The following CPAMD8 variants were observed in gnomAD, a reference collection of about 807,000 sequenced individuals.
CPAMD8 encodes C3 and PZP like alpha-2-macroglobulin domain containing 8.
Under a neutral mutation model 224.7 loss-of-function variants are expected in CPAMD8, and 146 were observed. That is an observed-to-expected ratio of 0.65 (90% CI 0.57 to 0.75). The LOEUF (loss-of-function observed/expected upper bound fraction) is 0.75, where lower values mean the gene tolerates loss of function less well. Ranked by LOEUF, CPAMD8 falls within the 30% of genes least tolerant of loss-of-function variation. CPAMD8 has a pLI of 0.00. For missense variants in CPAMD8, 2,301 were observed against 2,537.5 expected, an observed-to-expected ratio of 0.91 and a Z score of 2.00; for synonymous variants, 966 against 1,044.6, an observed-to-expected ratio of 0.92 and a Z score of 1.45.
At chr19:16,939,242 C>T (rs1022672215) in intron 22 of CPAMD8, among the ~76,000 whole-genome samples, 2 of 151,794 alleles carry the variant, frequency 1.3e-5, no homozygotes, top group Admixed American at 6.6e-5. Context: ...CTCACTCTGT[C>T]GCCCAGGCTG....
chr19:16,979,550 C>CCA (rs1269479571), intron 14 of CPAMD8, among the ~76,000 whole-genome samples: 4 of 151,696 alleles, frequency 2.6e-5, no homozygotes, highest in African/African-American at 9.7e-5. Flanking sequence ...ATTCATCCAT[C>CCA]TATCCACCTA....
chr19:17,005,730 C>T (rs982306106), intron 7 of CPAMD8, among the ~76,000 whole-genome samples: 26 of 152,116 alleles, frequency 1.7e-4, no homozygotes, highest in African/African-American at 6.3e-4. Context: ...AAACCCATAG[C>T]GGCGCCCACG....
chr19:16,901,215 C>T lies in CPAMD8; in HGVS notation c.4768G>A (p.Glu1590Lys). The change falls in exon 36 of 42, where the codon GAG becomes AAG. Residue 1590 changes from glutamate (E) to lysine (K), a missense_variant. Glu to Lys is a moderately conservative substitution (Grantham distance 56, BLOSUM62 1). Coordinates refer to ENST00000443236, the MANE Select transcript of CPAMD8 (RefSeq NM_015692.5). Reference protein sequence around the residue: ...SGFRADIESLEQLLLDKHMGM... With the variant: ...SGFRADIESLKQLLLDKHMGM... The stretch of plus-strand genomic sequence containing the variant: ...GCTCACCGGCGCTGCCTCACCTGCT[C>T]CAGGCTCTCGATGTCTGCCCGGAAG... 1 of 1,608,812 alleles carries T rather than the reference C, an allele frequency of 6.2e-7. No individual in the cohort carries two copies. The highest frequency in any genetic ancestry group is 8.5e-7 in the Non-Finnish European group (1 of 1,177,814).
At chr19:16,946,036 T>C (rs1216469999) in intron 21 of CPAMD8, among the ~76,000 whole-genome samples, 1 of 152,204 alleles carries the variant, frequency 6.6e-6, no homozygotes, top group Non-Finnish European at 1.5e-5. Context: ...TTTGTGTGTA[T>C]ATGCATGTGT....
intron 17 of CPAMD8, among the ~76,000 whole-genome samples, chr19:16,973,736 C>T (rs1433487204): frequency 6.6e-5 from 10 of 152,112 alleles, no homozygotes; most frequent in African/African-American, 2.4e-4. Context: ...AGGTGTGACC[C>T]TGAAGGGCGA....
chr19:16,906,372 T>TTCTTTC (rs2052495847), intron 30 of CPAMD8, among the ~76,000 whole-genome samples: 1 of 68,818 alleles, frequency 1.5e-5, no homozygotes, highest in Admixed American at 1.8e-4. Flanking sequence ...CTTTCTTTCT[T>TTCTTTC]TCTTTCTTTC....
Position 16,989,782 on chromosome 19 carries a change from A to G in CPAMD8, c.1267-11T>C. 4 of 1,613,526 alleles carry G rather than the reference A, an allele frequency of 2.5e-6. No individual in the cohort carries two copies. Among genetic ancestry groups the G allele is most frequent in the Non-Finnish European group, 3.4e-6 (4 of 1,179,666 alleles). ...TGCCATCACCTTGGTCTGAGAAGAG[A>G]AGATGCTTAGATCAACACCCGAGTG... On this transcript the variant is annotated splice_polypyrimidine_tract_variant and intron_variant, in intron 12 of 41. Coordinates refer to ENST00000443236, the MANE Select transcript of CPAMD8 (RefSeq NM_015692.5).
chr19:17,025,889 T>C lies in CPAMD8; in HGVS notation c.92+662A>G, dbSNP rs1453955525. Among the ~76,000 whole-genome samples, 3 of 152,294 alleles carry C rather than the reference T, an allele frequency of 2.0e-5. No individual in the cohort carries two copies. The East Asian group carries it at 5.8e-4, about 29-fold the overall frequency. On this transcript the variant is annotated intron_variant, in intron 1 of 41. Coordinates refer to ENST00000443236, the MANE Select transcript of CPAMD8 (RefSeq NM_015692.5). Reference sequence around the variant, plus strand: ...CCACCTAGTCTCACTGCTTACCAGTTTTCTGGAAACTCCTAAACAAGGGCT... The same window carrying C: ...CCACCTAGTCTCACTGCTTACCAGTCTTCTGGAAACTCCTAAACAAGGGCT...
At chr19:17,021,361 G>C (rs2056952294) in intron 2 of CPAMD8, among the ~76,000 whole-genome samples, 1 of 152,164 alleles carries the variant, frequency 6.6e-6, no homozygotes, top group Non-Finnish European at 1.5e-5. Flanking sequence ...GAAGGTTCTA[G>C]AAGCTTCCAC....
At chr19:16,904,176 A>AGGGGGCCCCCCCCCCCCCCCCCCC in intron 32 of CPAMD8, 50 bp downstream of exon 32, 1 of 937,340 alleles carries the variant, frequency 1.1e-6, no homozygotes. Context: ...GACTGCAGGG[A>AGGGGGCCCCCCCCCCCCCCCCCCC]CCCCACCCAC....
At chr19:16,956,306 C>T (rs1395723600) in intron 19 of CPAMD8, among the ~76,000 whole-genome samples, 1 of 152,146 alleles carries the variant, frequency 6.6e-6, no homozygotes, top group Non-Finnish European at 1.5e-5. Context: ...CCCTTTCTTG[C>T]TTATTCATAT....
intron 22 of CPAMD8, among the ~76,000 whole-genome samples, chr19:16,942,559 C>T (rs1258241126): frequency 6.6e-6 from 1 of 152,220 alleles, no homozygotes; most frequent in Non-Finnish European, 1.5e-5. Flanking sequence ...AACAAGGATG[C>T]ACTGTGCCTC....
At chr19:16,942,935 G>C (rs57896113) in intron 22 of CPAMD8, among the ~76,000 whole-genome samples, 45,710 of 151,410 alleles carry the variant, frequency 0.3, 8,266 homozygotes, top group African/African-American at 0.51. Flanking sequence ...GGATTTGCCT[G>C]TTCTGGGCAT....
At position 16,979,798 on chromosome 19, in the gene CPAMD8, C is replaced by T. The variant is rs570621808; in HGVS notation, c.1585+699G>A. Among the ~76,000 whole-genome samples the T allele has an allele frequency of 2.8e-4, 42 of 149,486 alleles. 2 individuals carry two copies. Among genetic ancestry groups the T allele is most frequent in the African/African-American group, 9.4e-4 (37 of 39,568 alleles). ...ATAGTGCCAAGGTTGAGAAACCTTG[C>T]CTTCGCCTGAGAGATCCTGCCTATC... On this transcript the variant is annotated intron_variant, in intron 14 of 41. Coordinates refer to ENST00000443236, the MANE Select transcript of CPAMD8 (RefSeq NM_015692.5).
chr19:16,901,907 C>A (rs2052272795), intron 35 of CPAMD8, among the ~76,000 whole-genome samples: 1 of 152,098 alleles, frequency 6.6e-6, no homozygotes, highest in African/African-American at 2.4e-5. Flanking sequence ...GGAACTTGGA[C>A]ACATTCGGGC....
intron 36 of CPAMD8, 123 bp downstream of exon 36, chr19:16,901,087 A>G: frequency 1.7e-6 from 1 of 601,262 alleles, no homozygotes; most frequent in Non-Finnish European, 3.0e-6. Context: ...GGGAGAGGGA[A>G]GAAAAGAATA....
At chr19:16,918,577 A>G (rs2053049715) in intron 27 of CPAMD8, among the ~76,000 whole-genome samples, 1 of 150,806 alleles carries the variant, frequency 6.6e-6, no homozygotes, top group Non-Finnish European at 1.5e-5. Flanking sequence ...CCTCCCCAGT[A>G]GTTGGGACTA....
intron 29 of CPAMD8, among the ~76,000 whole-genome samples, chr19:16,909,491 C>T (rs2052643800): frequency 6.6e-6 from 1 of 152,072 alleles, no homozygotes. Flanking sequence ...TTGCAATGAG[C>T]CGAGATCGCG....
chr19:16,981,982 G>T (rs1246259957), intron 13 of CPAMD8, among the ~76,000 whole-genome samples: 1 of 152,208 alleles, frequency 6.6e-6, no homozygotes, highest in African/African-American at 2.4e-5. Flanking sequence ...CTGGCCAGGG[G>T]CCATGGCTCA....
Sources: gnomAD v4.1 joint callset for allele counts (sites outside exome capture counted in the v4.1 genomes callset) on GRCh38, gnomAD v4.1.1 for gene constraint, MANE v1.5 for transcripts, NCBI Gene and HGNC (gene_info 2026-07-23, HGNC 2026-07-21) for gene names.